Variants in CRACR2A observed in about 807,000 individuals in gnomAD.
The protein encoded by CRACR2A is EF-hand calcium-binding domain-containing protein 4B.
Under a neutral mutation model 90.5 loss-of-function variants are expected in CRACR2A, and 79 were observed. That is an observed-to-expected ratio of 0.87 (90% CI 0.73 to 1.05). The LOEUF (loss-of-function observed/expected upper bound fraction) is 1.05. Among genes scored for constraint, CRACR2A ranks in the 50% least tolerant of loss-of-function variants. The pLI is 0.00. For synonymous variants in CRACR2A, 338 were observed against 356.7 expected, an observed-to-expected ratio of 0.95 and a Z score of 0.59; for missense variants, 823 against 897.2, an observed-to-expected ratio of 0.92 and a Z score of 1.06.
intron 3 of CRACR2A, among the ~76,000 whole-genome samples, chr12:3,708,771 T>C (rs940877452): frequency 6.6e-6 from 1 of 152,192 alleles, no homozygotes; most frequent in Non-Finnish European, 1.5e-5. Context: ...CCTCTCAAGG[T>C]TGGCTTCTGG....
In CRACR2A at chr12:3,633,688, C is replaced by T. The variant is rs199534900; in HGVS notation, c.1651G>A (p.Val551Met). 57 of 1,551,636 alleles carry T rather than the reference C, an allele frequency of 3.7e-5. No homozygotes were observed. The highest frequency in any genetic ancestry group is 4.9e-5 in the East Asian group (2 of 40,916). The change falls in exon 15 of 20, where the codon GTG becomes ATG. Residue 551 changes from valine to methionine, a missense_variant. By Grantham distance (21) the Val-to-Met change is conservative. Transcript: ENST00000440314. This position sits in a 1 kb window ranked among gnomAD's most constrained non-coding sequence, Gnocchi z 4.5. ...APDRLFKIVF[V>M]GNSAVGKTSF... is the part of the protein sequence containing the mutation. ...GTCTTCCCCACCGCGGAATTGCCCA[C>T]GAACACAATCTTGAAGAGCCGGTCA...
rs1946032857 is a variant in CRACR2A at position 3,713,253 on chromosome 12, C to T, written c.-53G>A. ...CTCACTCACCTTGCAGCTCCCGGCT[C>T]CTCGGAGGACCTGCAACTCTTCACA... is the stretch of plus-strand genomic sequence containing the variant. On this transcript the variant is annotated 5_prime_UTR_variant, in exon 3 of 20. Transcript: ENST00000440314. 2 of 985,278 alleles carry T rather than the reference C, an allele frequency of 2.0e-6. No homozygotes were observed. Among genetic ancestry groups the T allele is most frequent in the African/African-American group, 1.7e-5 (1 of 57,190 alleles). 61.0% of individuals were successfully genotyped at this position (985,278 alleles called of 1,614,324 possible).
At chr12:3,707,217 G>A (rs750235485) in intron 3 of CRACR2A, among the ~76,000 whole-genome samples, 8 of 152,122 alleles carry the variant, frequency 5.3e-5, no homozygotes, top group Non-Finnish European at 1.0e-4. Flanking sequence ...TGTAGCTTCT[G>A]CCATGCTCTA....
At chr12:3,655,273 T>G (rs999786937) in intron 9 of CRACR2A, among the ~76,000 whole-genome samples, 5 of 152,158 alleles carry the variant, frequency 3.3e-5, no homozygotes, top group African/African-American at 9.7e-5. Flanking sequence ...ACTTAATGCA[T>G]AATAGAGAGG....
intron 11 of CRACR2A, chr12:3,647,895 C>T: frequency 1.0e-6 from 1 of 985,464 alleles, no homozygotes; most frequent in Non-Finnish European, 1.2e-6. Context: ...CCATCTTTCC[C>T]CACACGGGTT....
In CRACR2A at chr12:3,641,725, G is replaced by T; in HGVS notation, c.1271+7C>A. 6.4e-7 allele frequency: 1 copy of T among 1,550,414 alleles called. No individual in the cohort carries two copies. The highest frequency in any genetic ancestry group is 1.2e-5 in the South Asian group (1 of 84,006). On this transcript the variant is annotated splice_region_variant and intron_variant, in intron 13 of 19. Transcript: ENST00000440314. ...AATGAAGGGATGAGCAAGTGGAGAT[G>T]ACTTACCTCCTAAGAATCCCTCTGC...
chr12:3,741,917 G>A (rs1488191195), intron 1 of CRACR2A, among the ~76,000 whole-genome samples: 3 of 152,224 alleles, frequency 2.0e-5, no homozygotes, highest in African/African-American at 4.8e-5. Context: ...GTAATGAAGT[G>A]GGCACATGTG....
chr12:3,667,588 A>G (rs556152499), intron 7 of CRACR2A, among the ~76,000 whole-genome samples: 9 of 152,356 alleles, frequency 5.9e-5, no homozygotes, highest in African/African-American at 2.2e-4. Context: ...GCTCTTTGCA[A>G]GAGAAGAACA....
chr12:3,690,718 A>G (rs1945636922), intron 4 of CRACR2A, among the ~76,000 whole-genome samples: 1 of 152,076 alleles, frequency 6.6e-6, no homozygotes, highest in Non-Finnish European at 1.5e-5. Context: ...TATCCTTGTT[A>G]ATTTTCTGCC....
At chr12:3,714,724 A>T (rs1946057985) in intron 2 of CRACR2A, among the ~76,000 whole-genome samples, 1 of 152,236 alleles carries the variant, frequency 6.6e-6, no homozygotes, top group Non-Finnish European at 1.5e-5. Context: ...TTTTTTAATG[A>T]GAAGATTGGC....
rs970098187 is a variant in CRACR2A, at chr12:3,627,492, C to T, written c.1876G>A (p.Asp626Asn). 1.1e-5 allele frequency: 17 copies of T among 1,551,910 alleles called. No homozygotes were observed. Among genetic ancestry groups the T allele is most frequent in the South Asian group, 5.9e-5 (5 of 84,066 alleles). Residue 626 changes from aspartate (D) to asparagine (N), a missense_variant, in exon 17 of 20, where the codon GAT (aspartate) becomes AAT (asparagine). Asp to Asn is a conservative substitution (Grantham distance 23). Coordinates refer to ENST00000440314, the MANE Select transcript of CRACR2A (RefSeq NM_001144958.2). The part of the protein sequence containing the change: ...RKADGVIVMY[D>N]LTDKQSFLSV... ...AGGAACGACTGCTTGTCTGTGAGAT[C>T]GTACATGACGATGACACCATCTGCC...
At chr12:3,740,318 C>T (rs12370980) in intron 1 of CRACR2A, among the ~76,000 whole-genome samples, 40,970 of 151,580 alleles carry the variant, frequency 0.27, 6,339 homozygotes, top group African/African-American at 0.43. Context: ...AGGGTCTCTG[C>T]CCAATTTTTA....
chr12:3,750,294 G>A (rs1294794901), intron 1 of CRACR2A, among the ~76,000 whole-genome samples: 3 of 152,140 alleles, frequency 2.0e-5, no homozygotes, highest in African/African-American at 7.2e-5. Context: ...GCCTCCATGT[G>A]TGTCAGTGCA....
At position 3,680,313 on chromosome 12, in the gene CRACR2A, G is replaced by T. The variant is rs1294478816; in HGVS notation, c.265C>A (p.Leu89Met). ...HKELPLSLEE[L>M]EDVFDALDAD... ...TCCAGGGCATCAAACACATCCTCCAGTTCCTCCAGGCTGAGCGGTAGCTCC... is the reference window on the plus strand; with the variant it reads ...TCCAGGGCATCAAACACATCCTCCATTTCCTCCAGGCTGAGCGGTAGCTCC... Residue 89 changes from leucine to methionine, a missense_variant, in exon 5 of 20, where the codon CTG (leucine) becomes ATG (methionine). Transcript: ENST00000440314. 6 of 1,614,090 alleles carry T rather than the reference G, an allele frequency of 3.7e-6. 1 individual carries two copies. Among genetic ancestry groups the T allele is most frequent in the Admixed American group, 3.3e-5 (2 of 60,010 alleles).
intron 2 of CRACR2A, chr12:3,732,298 A>AATCTG (rs1410241175): frequency 6.6e-6 from 1 of 152,250 alleles, no homozygotes; most frequent in Non-Finnish European, 1.5e-5. Context: ...AGGAGTTGAC[A>AATCTG]ATCTGATTGA....
intron 1 of CRACR2A, among the ~76,000 whole-genome samples, chr12:3,741,177 G>C (rs1260294437): frequency 6.6e-6 from 1 of 152,088 alleles, no homozygotes; most frequent in Non-Finnish European, 1.5e-5. Flanking sequence ...CTATTTCAGG[G>C]GGGTCTCCAT....
intron 10 of CRACR2A, among the ~76,000 whole-genome samples, chr12:3,650,793 G>A (rs1944781300): frequency 6.6e-6 from 1 of 152,180 alleles, no homozygotes; most frequent in Non-Finnish European, 1.5e-5. Context: ...CTCTGGCTCT[G>A]CATACACAGC....
chr12:3,727,050 G>A (rs1485911003), intron 2 of CRACR2A: 2 of 151,104 alleles, frequency 1.3e-5, no homozygotes, highest in Admixed American at 1.3e-4. Flanking sequence ...AGCTACTCGG[G>A]AGGCTAAGGT....
chr12:3,630,622 G>C (rs1298363179), intron 15 of CRACR2A, among the ~76,000 whole-genome samples: 1 of 152,186 alleles, frequency 6.6e-6, no homozygotes, highest in South Asian at 2.1e-4. Context: ...GGGTTCCAGG[G>C]AGATCCTCTA....
Sources: allele counts gnomAD v4.1 joint callset (sites outside exome capture counted in the v4.1 genomes callset), GRCh38; gene constraint gnomAD v4.1.1; non-coding constraint Gnocchi (gnomAD v3.1); transcripts MANE v1.5; gene names NCBI Gene and HGNC (gene_info 2026-07-23, HGNC 2026-07-21).